MIB1: variants seen among roughly 807,000 people sequenced by gnomAD.
MIB1 encodes MIB E3 ubiquitin protein ligase 1.
Under a neutral mutation model 124.5 loss-of-function variants are expected in MIB1, and 278 were observed. The observed-to-expected ratio is 2.23, with a 90% CI of 2.02 to 2.47. The LOEUF is 2.47. Ranked by LOEUF, MIB1 falls within the 30% of genes most tolerant of loss-of-function variation. MIB1 has a pLI of 0.00. For missense variants in MIB1, 957 were observed against 1,254.4 expected, an observed-to-expected ratio of 0.76 and a Z score of 3.58; for synonymous variants, 446 against 429.4, an observed-to-expected ratio of 1.04 and a Z score of -0.48.
intron 1 of MIB1, among the ~76,000 whole-genome samples, chr18:21,764,732 A>AC (rs1220075661): frequency 2.8e-5 from 4 of 143,924 alleles, no homozygotes; most frequent in African/African-American, 1.1e-4. Context: ...TATTTTGAAA[A>AC]AAAAAACAAA....
chr18:21,768,750 A>T lies in MIB1; in HGVS notation c.529A>T (p.Lys177Ter). Reference protein sequence around the residue: ...DQDGGNGRRGKVTEIQDWSAS... With the variant: ...DQDGGNGRRG ...AGATGGAGGAAATGGACGTAGGGGA[A>T]AGGTACAGTGTTTCTCTGAATTCAT... is the stretch of plus-strand genomic sequence containing the variant. The change falls in exon 3 of 21, where the codon AAG becomes TAG. Residue 177 changes from lysine (K) to a stop codon, truncating the protein, a stop_gained and splice_region_variant. Transcript: ENST00000261537. LOFTEE classifies it high-confidence loss of function. 6.2e-7 allele frequency: 1 copy of T among 1,609,504 alleles called. No homozygotes were observed. The highest frequency in any genetic ancestry group is 8.5e-7 in the Non-Finnish European group (1 of 1,177,550).
chr18:21,724,728 ATATATATATATATATATATATATATAT>A (rs2040732580), intron 1 of MIB1, among the ~76,000 whole-genome samples: 1 of 18,842 alleles, frequency 5.3e-5, no homozygotes, highest in African/African-American at 2.1e-4. Flanking sequence ...AAAAAAAAAA[ATATATATATATATATATATATATATAT>A]ATATATATAT....
rs550912430 is a variant in MIB1, at chr18:21,717,878, A to G, written n.167+12755A>G. On this transcript the variant is annotated intron_variant and non_coding_transcript_variant, in intron 1 of 20. Transcript: ENST00000578646. The stretch of plus-strand genomic sequence containing the variant: ...TAAAAGTAGATCTACCATTTGATCC[A>G]GCAGTCCCACTACTTGGTATCCATC... Among the ~76,000 whole-genome samples the G allele has an allele frequency of 2.2e-4, 34 of 152,376 alleles. No homozygotes were observed. In the South Asian group the frequency reaches 7.0e-3, roughly 32 times the overall value.
intron 16 of MIB1, among the ~76,000 whole-genome samples, chr18:21,848,070 C>G (rs1324729183): frequency 6.6e-6 from 1 of 152,146 alleles, no homozygotes; most frequent in Non-Finnish European, 1.5e-5. Context: ...TCTTTGGAAT[C>G]TGTGCATAGA....
intron 12 of MIB1, among the ~76,000 whole-genome samples, chr18:21,822,693 T>C (rs2146482367): frequency 2.0e-5 from 1 of 50,852 alleles, no homozygotes. Flanking sequence ...AATTTCTTTT[T>C]CTTAAGGTTG....
chr18:21,773,528 A>T (rs2146417353), intron 3 of MIB1, 96 bp from the exon 4 acceptor site: 1 of 766,092 alleles, frequency 1.3e-6, no homozygotes, highest in Non-Finnish European at 2.1e-6. Flanking sequence ...AGGTTGCTAG[A>T]TGAAATGATT....
intron 20 of MIB1, among the ~76,000 whole-genome samples, chr18:21,860,849 A>G (rs1270387527): frequency 1.3e-5 from 2 of 152,138 alleles, no homozygotes; most frequent in Admixed American, 1.3e-4. Context: ...AGCCTGAGCA[A>G]CGTAACAAGA....
chr18:21,794,642 C>T (rs1393874549), intron 7 of MIB1, among the ~76,000 whole-genome samples: 2 of 152,056 alleles, frequency 1.3e-5, no homozygotes, highest in East Asian at 1.9e-4. Flanking sequence ...ACAGCAAACA[C>T]TGGGCTATAT....
At chr18:21,787,225 G>A (rs2041446349) in intron 6 of MIB1, among the ~76,000 whole-genome samples, 1 of 152,142 alleles carries the variant, frequency 6.6e-6, no homozygotes, top group South Asian at 2.1e-4. Context: ...AATTGGGCGG[G>A]AAGGAGTGGG....
chr18:21,816,754 G>T (rs532498282), intron 11 of MIB1, among the ~76,000 whole-genome samples: 6 of 152,148 alleles, frequency 3.9e-5, no homozygotes, highest in Non-Finnish European at 8.8e-5. Context: ...GGCTTGAGAA[G>T]AACTGAAAGA....
Position 21,844,197 on chromosome 18 carries a change from C to T in MIB1, c.2155C>T (p.Gln719Ter). ...HHTLSQLRQL[Q>*]DMQDVGKVDA... ...CACTTTGTCTCAGCTACGTCAGCTC[C>T]AAGATATGCAAGATGTGGGGAAGGT... The change falls in exon 15 of 21, where the codon CAA becomes TAA. Residue 719 changes from glutamine (Q) to a stop codon, truncating the protein, a stop_gained. Transcript: ENST00000261537. LOFTEE classifies it high-confidence loss of function. 1.2e-6 allele frequency: 2 copies of T among 1,614,152 alleles called. No individual in the cohort carries two copies. The highest frequency in any genetic ancestry group is 1.7e-6 in the Non-Finnish European group (2 of 1,180,026).
In MIB1 at chr18:21,868,004, C is replaced by T. The variant is rs1016359972; in HGVS notation, c.*3338C>T. The stretch of plus-strand genomic sequence containing the variant: ...TGTCATCAAATTATAGGCTTTAATA[C>T]AGGTTGCTTTTTTTAATCCAAAAGG... On this transcript the variant is annotated 3_prime_UTR_variant, in exon 21 of 21. Coordinates refer to ENST00000261537, the MANE Select transcript of MIB1 (RefSeq NM_020774.4). 2 of 151,940 alleles carry T rather than the reference C, an allele frequency of 1.3e-5. No homozygotes were observed. The highest frequency in any genetic ancestry group is 1.9e-4 in the East Asian group (1 of 5,204). The allele number at this position is 151,940 out of a possible 1,614,324, so 9.4% of individuals were successfully genotyped here. A position where few individuals can be genotyped will look rare whatever the true frequency, so the allele number is the denominator to read the frequency against.
At chr18:21,825,826 C>A in intron 12 of MIB1, 1 of 473,574 alleles carries the variant, frequency 2.1e-6, no homozygotes, top group Non-Finnish European at 4.4e-6. Context: ...AAATGCTTTT[C>A]ATTGGTAAAA....
chr18:21,807,786 A>T (rs951690804), intron 10 of MIB1, among the ~76,000 whole-genome samples: 1 of 152,348 alleles, frequency 6.6e-6, no homozygotes, highest in South Asian at 2.1e-4. Flanking sequence ...TAGATTTGTC[A>T]TTCATAATTT....
At chr18:21,768,146 A>G (rs2041184739) in intron 2 of MIB1, among the ~76,000 whole-genome samples, 1 of 152,210 alleles carries the variant, frequency 6.6e-6, no homozygotes, top group Non-Finnish European at 1.5e-5. Context: ...TTACTCACCT[A>G]GAAGCTATAG....
intron 1 of MIB1, among the ~76,000 whole-genome samples, chr18:21,746,952 C>T (rs1010831278): frequency 6.6e-6 from 1 of 152,072 alleles, no homozygotes; most frequent in Non-Finnish European, 1.5e-5. Flanking sequence ...TAATAATCCT[C>T]AGCTTTTCTT....
At chr18:21,858,840 C>T (rs543093573) in intron 20 of MIB1, among the ~76,000 whole-genome samples, 194 bp downstream of exon 20, 1 of 151,998 alleles carries the variant, frequency 6.6e-6, no homozygotes, top group Admixed American at 6.6e-5. Flanking sequence ...CACAAATGGC[C>T]AATGAATATG....
Position 21,767,543 on chromosome 18 carries a change from T to C in MIB1, c.402-1080T>C, listed in dbSNP as rs1199527275. On this transcript the variant is annotated intron_variant, in intron 2 of 20. Transcript: ENST00000261537. Reference sequence around the variant, plus strand: ...ACAGTACTCTTAAATTTTTGAATAATGGCTATTTTTTTTTTGTTTTTTGAA... The same window carrying C: ...ACAGTACTCTTAAATTTTTGAATAACGGCTATTTTTTTTTTGTTTTTTGAA... Among the ~76,000 whole-genome samples, 4 of 152,160 alleles carry C rather than the reference T, an allele frequency of 2.6e-5. No homozygotes were observed. The East Asian group carries it at 7.8e-4, about 29-fold the overall frequency.
chr18:21,864,839 A>G lies in MIB1; in HGVS notation c.*173A>G, dbSNP rs1402864002. The G allele has an allele frequency of 4.6e-6, 2 of 436,100 alleles. No homozygotes were observed. The highest frequency in any genetic ancestry group is 3.4e-5 in the East Asian group (1 of 29,642). 27.0% of individuals were successfully genotyped at this position (436,100 alleles called of 1,614,324 possible). A position where few individuals can be genotyped will look rare whatever the true frequency, so the allele number is the denominator to read the frequency against. On this transcript the variant is annotated 3_prime_UTR_variant, in exon 21 of 21. Coordinates refer to ENST00000261537, the MANE Select transcript of MIB1 (RefSeq NM_020774.4). ...AAAAAACCCTACAAAATGGTGTTGG[A>G]AATTGTGTTTTTTGTTTTTGTTTTA...
Sources: allele counts gnomAD v4.1 joint callset (sites outside exome capture counted in the v4.1 genomes callset), GRCh38; gene constraint gnomAD v4.1.1; transcripts MANE v1.5; gene names NCBI Gene and HGNC (gene_info 2026-07-23, HGNC 2026-07-21).